COL4A3: variants seen among roughly 807,000 people sequenced by gnomAD.
The protein encoded by COL4A3 is collagen type IV alpha 3 chain.
A neutral mutation model predicts 217.4 loss-of-function variants in COL4A3; 135 were observed. The ratio of observed to expected loss-of-function variants is 0.62; its 90% confidence interval spans 0.54 to 0.72. COL4A3 has a LOEUF of 0.72. Among genes scored for constraint, COL4A3 ranks in the 30% least tolerant of loss-of-function variants. The pLI, the probability that COL4A3 is intolerant of heterozygous loss-of-function variation, is 0.00. For synonymous variants in COL4A3, 690 were observed against 736.3 expected (o/e 0.94, Z 1.02); for missense variants, 1,868 against 2,119.9 (o/e 0.88, Z 2.33).
intron 5 of COL4A3, among the ~76,000 whole-genome samples, chr2:227,245,316 A>C (rs111535799): frequency 0.02 from 3,001 of 151,950 alleles, 94 homozygotes; most frequent in African/African-American, 0.069. Context: ...TTAAAAAAAA[A>C]CAATAAAAAT....
At chr2:227,245,769 A>G in intron 5 of COL4A3, 185 bp from the exon 6 acceptor site, 5 of 664,674 alleles carry the variant, frequency 7.5e-6, no homozygotes, top group Non-Finnish European at 1.4e-5. Context: ...AAGTCTTCAT[A>G]TCAGTCAGCC....
chr2:227,221,027 T>C (rs987526467), intron 1 of COL4A3: 6 of 152,248 alleles, frequency 3.9e-5, no homozygotes, highest in Admixed American at 2.0e-4. Context: ...CTGGATGCTT[T>C]TGTCCAATGA....
chr2:227,185,691 A>G (rs1343064055), intron 1 of COL4A3, among the ~76,000 whole-genome samples: 1 of 152,216 alleles, frequency 6.6e-6, no homozygotes, highest in African/African-American at 2.4e-5. Context: ...GGAAGAAGTA[A>G]AAAGAGAACT....
At chr2:227,270,739 A>G (rs1484362926) in intron 24 of COL4A3, 31 bp from the exon 25 acceptor site, 6 of 1,604,076 alleles carry the variant, frequency 3.7e-6, no homozygotes, top group Non-Finnish European at 5.1e-6. Context: ...CTAACAAAAT[A>G]CAATACAGAT....
intron 17 of COL4A3, among the ~76,000 whole-genome samples, chr2:227,256,889 G>A (rs987656785): frequency 6.6e-6 from 1 of 152,188 alleles, no homozygotes; most frequent in Non-Finnish European, 1.5e-5. Context: ...GCATCATTAG[G>A]TGATTCTGTC....
intron 3 of COL4A3, 137 bp from the exon 4 acceptor site, chr2:227,244,183 T>C: frequency 8.2e-6 from 6 of 729,760 alleles, no homozygotes; most frequent in Non-Finnish European, 1.5e-5. Context: ...AAGCAAGCAA[T>C]TGAATCTTAT....
chr2:227,273,155 A>C, intron 26 of COL4A3, 38 bp downstream of exon 26: 1 of 1,609,610 alleles, frequency 6.2e-7, no homozygotes, highest in Non-Finnish European at 8.5e-7. Context: ...TTTCCGATGG[A>C]GTGGGTTGAT....
chr2:227,271,653 G>A (rs563003545), intron 25 of COL4A3, among the ~76,000 whole-genome samples: 1 of 152,080 alleles, frequency 6.6e-6, no homozygotes, highest in East Asian at 1.9e-4. Context: ...TGTATTTTCA[G>A]TAGAGACGGG....
chr2:227,221,599 C>G (rs1339458270), intron 1 of COL4A3: 1 of 152,156 alleles, frequency 6.6e-6, no homozygotes, highest in African/African-American at 2.4e-5. Context: ...TGAGCCCTTT[C>G]GTGACCACAT....
chr2:227,179,303 G>A (rs1284857521), intron 1 of COL4A3, among the ~76,000 whole-genome samples: 1 of 152,006 alleles, frequency 6.6e-6, no homozygotes, highest in Non-Finnish European at 1.5e-5. Flanking sequence ...AGTGTCAGAT[G>A]CCACTGTATT....
intron 37 of COL4A3, 83 bp downstream of exon 37, chr2:227,290,969 G>T: frequency 4.0e-6 from 6 of 1,484,576 alleles, no homozygotes; most frequent in Non-Finnish European, 5.5e-6. Flanking sequence ...GATTCGGTGT[G>T]GGCAGAGAAA....
At chr2:227,308,787 G>T in intron 48 of COL4A3, 112 bp from the exon 49 acceptor site, 1 of 1,129,490 alleles carries the variant, frequency 8.9e-7, no homozygotes, top group Non-Finnish European at 1.3e-6. Context: ...CTTTTGTGTT[G>T]TCTTTGTCCA....
At chr2:227,263,726 T>A (rs778917058) in intron 20 of COL4A3, 54 bp from the exon 21 acceptor site, 2 of 1,515,464 alleles carry the variant, frequency 1.3e-6, no homozygotes, top group South Asian at 1.2e-5. Flanking sequence ...AAAAAATAAA[T>A]TCGTATTAAT....
rs751091610 is a variant in COL4A3, at chr2:227,309,201, C to T, written c.4641-3C>T. On this transcript the variant is annotated splice_region_variant and splice_polypyrimidine_tract_variant and intron_variant, in intron 49 of 51. Coordinates refer to ENST00000396578, the MANE Select transcript of COL4A3 (RefSeq NM_000091.5). ...CCGCCATAGTCTTTGTTTCATGTTA[C>T]AGATGCACTGTTTGTGAAGGTCCTG... 1.2e-6 allele frequency: 2 copies of T among 1,614,024 alleles called. No individual in the cohort carries two copies. Among genetic ancestry groups the T allele is most frequent in the Admixed American group, 3.3e-5 (2 of 60,016 alleles).
At chr2:227,194,715 C>T (rs928097328) in intron 1 of COL4A3, among the ~76,000 whole-genome samples, 3 of 151,882 alleles carry the variant, frequency 2.0e-5, no homozygotes, top group Admixed American at 6.6e-5. Flanking sequence ...TAAGCAAAAA[C>T]GTAAAAAGAA....
At chr2:227,193,599 C>G (rs866085935) in intron 1 of COL4A3, among the ~76,000 whole-genome samples, 2 of 152,040 alleles carry the variant, frequency 1.3e-5, no homozygotes, top group Non-Finnish European at 2.9e-5. Flanking sequence ...GTAATCCCAG[C>G]TACTTGGGAG....
At chr2:227,227,070 A>G (rs894026673) in intron 1 of COL4A3, among the ~76,000 whole-genome samples, 5 of 152,250 alleles carry the variant, frequency 3.3e-5, no homozygotes, top group African/African-American at 1.2e-4. Context: ...AACCATGAAA[A>G]ATATAAAAAC....
At chr2:227,300,958 A>T (rs1401357859) in intron 43 of COL4A3, among the ~76,000 whole-genome samples, 1 of 152,132 alleles carries the variant, frequency 6.6e-6, no homozygotes. Flanking sequence ...TGAGTGACAC[A>T]CACACAACTC....
At chr2:227,247,436 T>C in intron 7 of COL4A3, 122 bp from the exon 8 acceptor site, 1 of 889,666 alleles carries the variant, frequency 1.1e-6, no homozygotes, top group Admixed American at 1.7e-5. Context: ...CTTTGCTTTG[T>C]AAGGCCGTGG....
Sources: gnomAD v4.1 joint callset for allele counts (sites outside exome capture counted in the v4.1 genomes callset) on GRCh38, gnomAD v4.1.1 for gene constraint, MANE v1.5 for transcripts, NCBI Gene and HGNC (gene_info 2026-07-23, HGNC 2026-07-21) for gene names.